Variants in TNRC6A observed in about 807,000 individuals in gnomAD.
TNRC6A encodes trinucleotide repeat containing adaptor 6A.
A neutral mutation model predicts 221.2 loss-of-function variants in TNRC6A; 44 were observed. The observed-to-expected ratio is 0.20, with a 90% CI of 0.16 to 0.26. TNRC6A has a LOEUF of 0.26. Among genes scored for constraint, TNRC6A ranks in the 10% least tolerant of loss-of-function variants. The pLI, the probability that TNRC6A is intolerant of heterozygous loss-of-function variation, is 1.00. For missense variants in TNRC6A, 2,199 were observed against 2,404.4 expected (o/e 0.91, Z 1.79); for synonymous variants, 847 against 838.5 (o/e 1.01, Z -0.18).
At chr16:24,786,823 A>T (rs1202959635) in intron 5 of TNRC6A, among the ~76,000 whole-genome samples, 2 of 152,158 alleles carry the variant, frequency 1.3e-5, no homozygotes. Context: ...CTGGGACTGC[A>T]GGCGCCTGCC....
chr16:24,793,486 C>T lies in TNRC6A; in HGVS notation c.3189C>T (p.Pro1063=). The stretch of plus-strand genomic sequence containing the variant: ...CACTTTCTAAAGGCTGGGGTGAGCC[C>T]TGGGGGGAGCCTTCTACTCCAGCCA... The part of the protein sequence containing the change: ...EASSGSGWGE[P]WGEPSTPATT... The change falls in exon 7 of 25, where the codon CCC becomes CCT. Residue 1063 remains proline (P), a synonymous_variant. Coordinates refer to ENST00000395799, the MANE Select transcript of TNRC6A (RefSeq NM_014494.4). The T allele has an allele frequency of 6.7e-7, 1 of 1,495,796 alleles. No individual in the cohort carries two copies. Among genetic ancestry groups the T allele is most frequent in the Non-Finnish European group, 9.0e-7 (1 of 1,116,452 alleles). The allele number at this position is 1,495,796 out of a possible 1,614,324, so 92.7% of individuals were successfully genotyped here.
At chr16:24,651,182 GGC>G (rs1192488170) in intron 2 of TNRC6A, among the ~76,000 whole-genome samples, 4 of 135,514 alleles carry the variant, frequency 3.0e-5, no homozygotes, top group South Asian at 2.4e-4. Flanking sequence ...AACTGGGTAT[GGC>G]AAAAAAAAAA....
chr16:24,627,835 T>G (rs1178982663), intron 1 of TNRC6A, among the ~76,000 whole-genome samples: 1 of 151,170 alleles, frequency 6.6e-6, no homozygotes, highest in Non-Finnish European at 1.5e-5. Flanking sequence ...GTAGCTGGGA[T>G]TACAGGCGCC....
At chr16:24,687,397 G>A (rs978538496) in intron 2 of TNRC6A, among the ~76,000 whole-genome samples, 4 of 152,190 alleles carry the variant, frequency 2.6e-5, no homozygotes, top group East Asian at 1.9e-4. Context: ...ATCATGGCAC[G>A]TAAGGTCTTT....
intron 2 of TNRC6A, among the ~76,000 whole-genome samples, chr16:24,679,061 C>T (rs1363189788): frequency 1.4e-5 from 2 of 146,732 alleles, no homozygotes; most frequent in East Asian, 2.1e-4. Context: ...TGCAATGGCA[C>T]AATCTCCGCT....
intron 1 of TNRC6A, among the ~76,000 whole-genome samples, chr16:24,629,337 G>A (rs909489639): frequency 2.0e-5 from 3 of 152,024 alleles, no homozygotes; most frequent in Non-Finnish European, 2.9e-5. Flanking sequence ...AAACAGAATC[G>A]CTAAGTGCTT....
rs1596742668 is a variant in TNRC6A at position 24,794,737 on chromosome 16, A to G, written c.3528+18A>G. 1.9e-6 allele frequency: 3 copies of G among 1,578,892 alleles called. No homozygotes were observed. The East Asian group carries it at 6.7e-5, about 35-fold the overall frequency. On this transcript the variant is annotated intron_variant, in intron 8 of 24. Coordinates refer to ENST00000395799, the MANE Select transcript of TNRC6A (RefSeq NM_014494.4). ...CATCGAAGGTAAACATTTCAAGGGC[A>G]AAGCCCTTGAAACTTTAAATTCCAA...
chr16:24,737,786 G>A (rs1176889372), intron 2 of TNRC6A, among the ~76,000 whole-genome samples: 5 of 152,186 alleles, frequency 3.3e-5, no homozygotes, highest in South Asian at 2.1e-4. Context: ...GAGTTATGAC[G>A]TCTGTGTTTT....
intron 18 of TNRC6A, among the ~76,000 whole-genome samples, chr16:24,812,744 G>A (rs1228615721): frequency 1.3e-5 from 2 of 152,150 alleles, no homozygotes; most frequent in Non-Finnish European, 2.9e-5. Context: ...ACACAAAAAT[G>A]AAATTGCCTA....
intron 2 of TNRC6A, among the ~76,000 whole-genome samples, chr16:24,711,383 A>G (rs2056203748): frequency 6.6e-6 from 1 of 152,160 alleles, no homozygotes; most frequent in African/African-American, 2.4e-5. Flanking sequence ...TTTGACATAT[A>G]TAGAGAGAGC....
At chr16:24,735,356 C>T (rs1184143570) in intron 2 of TNRC6A, among the ~76,000 whole-genome samples, 1 of 152,098 alleles carries the variant, frequency 6.6e-6, no homozygotes, top group African/African-American at 2.4e-5. Context: ...AGGTGGATCC[C>T]ACTCATGCAA....
chr16:24,825,072 C>T lies in TNRC6A; in HGVS notation c.*1265C>T, dbSNP rs1257839390. The T allele has an allele frequency of 6.6e-6, 1 of 152,448 alleles. No individual in the cohort carries two copies. The highest frequency in any genetic ancestry group is 1.5e-5 in the Non-Finnish European group (1 of 68,006). 9.4% of individuals were successfully genotyped at this position (152,448 alleles called of 1,614,324 possible). On this transcript the variant is annotated 3_prime_UTR_variant, in exon 25 of 25. Coordinates refer to ENST00000395799, the MANE Select transcript of TNRC6A (RefSeq NM_014494.4). ...ATGTTTAACTGTTGTACCTTAAAGC[C>T]GAAATCAGTAACTATGCATACTGTA...
chr16:24,620,731 C>T (rs1046465455), intron 1 of TNRC6A, among the ~76,000 whole-genome samples: 1 of 151,894 alleles, frequency 6.6e-6, no homozygotes, highest in Non-Finnish European at 1.5e-5. Context: ...TCACTTGAAC[C>T]GGGGAGGCAG....
At chr16:24,822,227 A>G (rs2058779797) in intron 23 of TNRC6A, 80 bp downstream of exon 23, 5 of 1,381,568 alleles carry the variant, frequency 3.6e-6, no homozygotes, top group East Asian at 2.3e-5. Context: ...ATGTGAGACA[A>G]GGGCTGCTAG....
At chr16:24,717,722 C>T (rs148178453) in intron 2 of TNRC6A, among the ~76,000 whole-genome samples, 3 of 150,044 alleles carry the variant, frequency 2.0e-5, no homozygotes, top group East Asian at 2.0e-4. Context: ...CTTGTTGTCA[C>T]GTCATTTAAC....
rs1015774263 is a variant in TNRC6A at position 24,729,674 on chromosome 16, G to A, written c.-168G>A. The A allele has an allele frequency of 6.9e-6, 5 of 727,128 alleles. No homozygotes were observed. The highest frequency in any genetic ancestry group is 9.4e-6 in the Non-Finnish European group (5 of 534,436). The allele number at this position is 727,128 out of a possible 1,614,324, so 45.0% of individuals were successfully genotyped here. On this transcript the variant is annotated 5_prime_UTR_variant, in exon 1 of 25. Transcript: ENST00000395799. ...TCACTTCCGGTCTGGGGCCTGCGGC[G>A]GCGGCGGTGTCGGCGGCGGCGGCGG...
intron 1 of TNRC6A, among the ~76,000 whole-genome samples, chr16:24,629,109 A>G (rs1202344430): frequency 6.6e-6 from 1 of 152,158 alleles, no homozygotes; most frequent in Non-Finnish European, 1.5e-5. Flanking sequence ...ATACTTATAA[A>G]TCTAGTATAT....
At chr16:24,686,309 A>T (rs1002573615) in intron 2 of TNRC6A, among the ~76,000 whole-genome samples, 4 of 152,102 alleles carry the variant, frequency 2.6e-5, no homozygotes, top group African/African-American at 7.2e-5. Context: ...CCTGGCCAGG[A>T]CCCATGTCAC....
At position 24,620,665 on chromosome 16, in the gene TNRC6A, G is replaced by A. The variant is rs542615066; in HGVS notation, n.276+10181G>A. 2.4e-3 allele frequency among the ~76,000 whole-genome samples: 360 copies of A among 152,134 alleles called. 3 individuals carry two copies. The highest frequency in any genetic ancestry group is 4.2e-3 in the South Asian group (20 of 4,818). On this transcript the variant is annotated intron_variant and non_coding_transcript_variant, in intron 1 of 2. Coordinates refer to the TNRC6A transcript ENST00000566108. ...TCTACTAAAAATGCAAAAATTAGCCGGGCGTGTTGGCGTGCCCCTGTAATT... is the reference window on the plus strand; with the variant it reads ...TCTACTAAAAATGCAAAAATTAGCCAGGCGTGTTGGCGTGCCCCTGTAATT...
Sources: gnomAD v4.1 joint callset for allele counts (sites outside exome capture counted in the v4.1 genomes callset) on GRCh38, gnomAD v4.1.1 for gene constraint, MANE v1.5 for transcripts, NCBI Gene and HGNC (gene_info 2026-07-23, HGNC 2026-07-21) for gene names.